Variants in NFATC3 observed in about 807,000 individuals in gnomAD.
The protein encoded by NFATC3 is nuclear factor of activated T cells 3.
In NFATC3, 46 loss-of-function variants were observed where a neutral mutation model predicts 98.6. The ratio of observed to expected loss-of-function variants is 0.47; its 90% CI spans 0.37 to 0.60. The LOEUF (loss-of-function observed/expected upper bound fraction) is 0.60. Among genes scored for constraint, NFATC3 ranks in the 20% least tolerant of loss-of-function variants. The probability of loss-of-function intolerance (pLI) is 0.00; values close to 1 mark genes in which losing one functional copy is unlikely to be tolerated. For missense variants in NFATC3, 1,256 were observed against 1,295.5 expected, an observed-to-expected ratio of 0.97 and a Z score of 0.47; for synonymous variants, 512 against 472.2, an observed-to-expected ratio of 1.08 and a Z score of -1.09.
intron 1 of NFATC3, among the ~76,000 whole-genome samples, chr16:68,114,862 C>G (rs773975155): frequency 6.6e-6 from 1 of 152,050 alleles, no homozygotes; most frequent in Non-Finnish European, 1.5e-5. Context: ...CGTCAGCCAC[C>G]GCACCTGGCC....
chr16:68,147,434 T>A (rs1022661145), intron 3 of NFATC3, among the ~76,000 whole-genome samples: 1 of 152,230 alleles, frequency 6.6e-6, no homozygotes, highest in Non-Finnish European at 1.5e-5. Flanking sequence ...TGAGTTATTT[T>A]GCTTCACCAA....
At position 68,226,715 on chromosome 16, in the gene NFATC3, A is replaced by G; in HGVS notation, c.*244A>G. On this transcript the variant is annotated 3_prime_UTR_variant, in exon 10 of 10. Transcript: ENST00000346183. The stretch of plus-strand genomic sequence containing the variant: ...TTTTATATTTAACTAGGATACTTTT[A>G]TATGATGGGTGCTTTGAGTGTGAAT... 1 of 326,036 alleles carries G rather than the reference A, an allele frequency of 3.1e-6. No individual in the cohort carries two copies. The allele number at this position is 326,036 out of a possible 1,614,324, so 20.2% of individuals were successfully genotyped here.
chr16:68,191,281 A>T lies in NFATC3; in HGVS notation c.2612A>T (p.His871Leu). 6.2e-7 allele frequency: 1 copy of T among 1,614,154 alleles called. No individual in the cohort carries two copies. The change falls in exon 9 of 10, where the codon CAT (histidine) becomes CTT (leucine). Residue 871 changes from histidine to leucine, a missense_variant. Around this residue, in one of 3 missense-constraint regions of NFATC3, gnomAD observed 636 missense variants for 617.3 expected, o/e 1.03. Transcript: ENST00000346183. ...GGACATCTCTTAGCCCATACACCTC[A>T]TTCTGTGCATACCCTGCCTCATCTG... ...STGHLLAHTP[H>L]SVHTLPHLQS...
intron 9 of NFATC3, chr16:68,214,460 T>A: frequency 6.3e-7 from 1 of 1,594,916 alleles, no homozygotes; most frequent in South Asian, 1.1e-5. Context: ...TGTGTCATTG[T>A]TTTTGTGCCC....
intron 3 of NFATC3, among the ~76,000 whole-genome samples, chr16:68,151,927 G>C (rs986032063): frequency 5.1e-4 from 78 of 151,920 alleles, no homozygotes; most frequent in African/African-American, 1.8e-3. Flanking sequence ...AAGTTAGCTG[G>C]GCGTGGTGGC....
chr16:68,139,779 G>A (rs895863470), intron 3 of NFATC3, among the ~76,000 whole-genome samples: 1 of 152,120 alleles, frequency 6.6e-6, no homozygotes, highest in Non-Finnish European at 1.5e-5. Context: ...GTAGCTGGGG[G>A]TTCACTGAGG....
chr16:68,214,622 T>C (rs577236503), intron 9 of NFATC3, among the ~76,000 whole-genome samples: 59 of 152,334 alleles, frequency 3.9e-4, no homozygotes, highest in South Asian at 6.2e-4. Context: ...CTCAGGCTCT[T>C]ACACTTGTGC....
chr16:68,142,024 G>T (rs1381162753), intron 3 of NFATC3, among the ~76,000 whole-genome samples: 1 of 152,040 alleles, frequency 6.6e-6, no homozygotes, highest in Non-Finnish European at 1.5e-5. Flanking sequence ...TCTACGTGTG[G>T]CTGTCCTGTT....
chr16:68,132,471 GA>G (rs1283691647), intron 3 of NFATC3, among the ~76,000 whole-genome samples: 3 of 152,190 alleles, frequency 2.0e-5, no homozygotes, highest in African/African-American at 7.2e-5. Flanking sequence ...GTATAGCCAT[GA>G]TGGAAAACAG....
Position 68,089,203 on chromosome 16 carries a change from G to A in NFATC3, c.103+3419G>A, listed in dbSNP as rs552400577. 64 of 985,404 alleles carry A rather than the reference G, an allele frequency of 6.5e-5. No individual in the cohort carries two copies. The Admixed American group carries it at 1.2e-3, about 18-fold the overall frequency. 61.0% of individuals were successfully genotyped at this position (985,404 alleles called of 1,614,324 possible). On this transcript the variant is annotated intron_variant, in intron 1 of 9. Coordinates refer to ENST00000346183, the MANE Select transcript of NFATC3 (RefSeq NM_173165.3). ...GAGAAGATTTTTGAAAAATAGTGAG[G>A]TAAGTGGATAGAGAGTGAGGACAAG...
intron 3 of NFATC3, among the ~76,000 whole-genome samples, chr16:68,140,181 G>T (rs192015365): frequency 6.6e-6 from 1 of 152,066 alleles, no homozygotes; most frequent in Non-Finnish European, 1.5e-5. Context: ...TGTATTTTTA[G>T]TAGAGACAGG....
intron 2 of NFATC3, among the ~76,000 whole-genome samples, chr16:68,123,736 A>T (rs776481593): frequency 6.6e-6 from 1 of 152,018 alleles, no homozygotes; most frequent in Non-Finnish European, 1.5e-5. Context: ...GTGGTGTCTC[A>T]TGCCTGTAAT....
chr16:68,225,021 C>G (rs574423487), intron 9 of NFATC3: 1 of 152,100 alleles, frequency 6.6e-6, no homozygotes, highest in East Asian at 1.9e-4. Context: ...GGTGCAATCT[C>G]GGCTCACCGC....
chr16:68,223,893 T>G (rs1272587348), intron 9 of NFATC3, among the ~76,000 whole-genome samples: 1 of 105,222 alleles, frequency 9.5e-6, no homozygotes, highest in Admixed American at 1.1e-4. Flanking sequence ...AGACTCCATC[T>G]CAAAAAAAAA....
chr16:68,131,793 A>G (rs1268845169), intron 3 of NFATC3, among the ~76,000 whole-genome samples: 4 of 152,062 alleles, frequency 2.6e-5, no homozygotes, highest in Non-Finnish European at 5.9e-5. Flanking sequence ...TGGCCTAAAC[A>G]TACCACATTT....
Position 68,174,390 on chromosome 16 carries a change from A to G in NFATC3, c.1791A>G (p.Gln597=), listed in dbSNP as rs1472113659. The part of the protein sequence containing the change: ...IPVECSQRSA[Q]ELPHIEKYSI... ...TTAAAACAGCCCAGCGGTCTGCTCA[A>G]GAACTTCCTCATATTGAGAAGTACA... Residue 597 remains glutamine, a synonymous_variant, in exon 6 of 10, where the codon CAA becomes CAG. Transcript: ENST00000346183. 6 of 1,541,042 alleles carry G rather than the reference A, an allele frequency of 3.9e-6. No homozygotes were observed. The highest frequency in any genetic ancestry group is 5.2e-6 in the Non-Finnish European group (6 of 1,146,128).
intron 9 of NFATC3, among the ~76,000 whole-genome samples, chr16:68,195,667 G>C (rs1238865496): frequency 6.7e-6 from 1 of 148,722 alleles, no homozygotes; most frequent in Non-Finnish European, 1.5e-5. Context: ...AACTAGCCGG[G>C]CGTGGTGGTG....
chr16:68,214,763 G>A (rs1023750300), intron 9 of NFATC3, among the ~76,000 whole-genome samples: 1 of 152,224 alleles, frequency 6.6e-6, no homozygotes, highest in Non-Finnish European at 1.5e-5. Flanking sequence ...GATCAGGTAT[G>A]TAAGCCTACT....
At chr16:68,209,702 G>A (rs2041293753) in intron 9 of NFATC3, 3 of 440,910 alleles carry the variant, frequency 6.8e-6, no homozygotes, top group East Asian at 6.6e-5. Context: ...AGAAGCTAGG[G>A]GGAATGGTTA....
Sources: allele counts gnomAD v4.1 joint callset (sites outside exome capture counted in the v4.1 genomes callset), GRCh38; gene constraint gnomAD v4.1.1; regional missense constraint gnomAD v4.1.1; transcripts MANE v1.5; gene names NCBI Gene and HGNC (gene_info 2026-07-23, HGNC 2026-07-21).